Variants in GLIS1 observed in about 807,000 individuals in gnomAD.
The protein encoded by GLIS1 is zinc finger protein GLIS1.
A neutral mutation model predicts 63.8 loss-of-function variants in GLIS1; 24 were observed. The ratio of observed to expected loss-of-function variants is 0.38; its 90% confidence interval spans 0.27 to 0.53. GLIS1 has a LOEUF of 0.53. Ranked by LOEUF, GLIS1 falls within the 20% of genes least tolerant of loss-of-function variation. The probability of loss-of-function intolerance (pLI) is 0.85; values close to 1 mark genes in which losing one functional copy is unlikely to be tolerated. For missense variants in GLIS1, 1,036 were observed against 1,074.1 expected (o/e 0.96, Z 0.50); for synonymous variants, 450 against 482.5 (o/e 0.93, Z 0.88).
chr1:53,708,950 A>C (rs1646609636), intron 2 of GLIS1, among the ~76,000 whole-genome samples: 1 of 152,032 alleles, frequency 6.6e-6, no homozygotes, highest in South Asian at 2.1e-4. Flanking sequence ...TTACTTGTTT[A>C]CTGGCTCCTC....
chr1:53,594,136 T>G lies in GLIS1; in HGVS notation c.1292A>C (p.His431Pro), dbSNP rs1413435194. 6.2e-7 allele frequency: 1 copy of G among 1,612,504 alleles called. No individual in the cohort carries two copies. The highest frequency in any genetic ancestry group is 8.5e-7 in the Non-Finnish European group (1 of 1,178,952). ...GCACTTGTTGGGCTTCTCGCCCGAG[T>G]GCACTCGCATGTGGATGAGCAGCTT... Reference protein sequence around the residue: ...RYKLLIHMRVHSGEKPNKCMF... With the variant: ...RYKLLIHMRVPSGEKPNKCMF... The change falls in exon 4 of 11, where the codon CAC becomes CCC. Residue 431 changes from histidine (H) to proline (P), a missense_variant. Physicochemically the swap from His to Pro is moderately conservative, Grantham distance 77. Coordinates refer to ENST00000628545, the MANE Select transcript of GLIS1 (RefSeq NM_001367484.1).
At chr1:53,681,909 G>A (rs754395258) in intron 2 of GLIS1, among the ~76,000 whole-genome samples, 1 of 137,690 alleles carries the variant, frequency 7.3e-6, no homozygotes, top group Non-Finnish European at 1.5e-5. Context: ...TCCTGCTCTC[G>A]GGGGCCTTCT....
intron 2 of GLIS1, among the ~76,000 whole-genome samples, chr1:53,644,677 C>T (rs916871439): frequency 6.6e-6 from 1 of 152,012 alleles, no homozygotes; most frequent in Admixed American, 6.6e-5. Context: ...GACCAGGGCC[C>T]GGAGGAGGCA....
chr1:53,534,692 C>A (rs1318105133), intron 4 of GLIS1, among the ~76,000 whole-genome samples: 1 of 150,172 alleles, frequency 6.7e-6, no homozygotes, highest in Admixed American at 6.7e-5. Flanking sequence ...CTACTGTGCA[C>A]CCCCCATCCT....
chr1:53,579,153 A>G (rs1261331820), intron 4 of GLIS1, among the ~76,000 whole-genome samples: 1 of 152,266 alleles, frequency 6.6e-6, no homozygotes, highest in African/African-American at 2.4e-5. Flanking sequence ...TATACTTTTA[A>G]ATGTTTCTCA....
chr1:53,681,912 G>A (rs554276834), intron 2 of GLIS1, among the ~76,000 whole-genome samples: 8 of 152,018 alleles, frequency 5.3e-5, no homozygotes, highest in Admixed American at 3.3e-4. Flanking sequence ...TGCTCTCGGG[G>A]GCCTTCTTTG....
intron 4 of GLIS1, among the ~76,000 whole-genome samples, chr1:53,561,244 C>T (rs780005303): frequency 3.3e-5 from 5 of 152,058 alleles, no homozygotes; most frequent in Non-Finnish European, 5.9e-5. Flanking sequence ...TTCAGGGAAG[C>T]CAAGCAGCAG....
chr1:53,711,631 C>T (rs1646647931), intron 2 of GLIS1, among the ~76,000 whole-genome samples: 2 of 152,172 alleles, frequency 1.3e-5, no homozygotes, highest in African/African-American at 2.4e-5. Context: ...CTCTCAGAGC[C>T]TTAGTCTCCT....
Position 53,594,852 on chromosome 1 carries a change from G to A in GLIS1, c.576C>T (p.Ala192=). 1 of 1,593,454 alleles carries A rather than the reference G, an allele frequency of 6.3e-7. No homozygotes were observed. The highest frequency in any genetic ancestry group is 8.5e-7 in the Non-Finnish European group (1 of 1,173,402). ...SLSAHCRGPL[A]TGLHPDLDLP... is the part of the protein sequence containing the mutation. ...GGTCCAGGTCTGGGTGCAGGCCAGT[G>A]GCCAGCGGGCCCCGACAGTGGGCAG... The change falls in exon 4 of 11, where the codon GCC becomes GCT. Residue 192 remains alanine, a synonymous_variant. Coordinates refer to ENST00000628545, the MANE Select transcript of GLIS1 (RefSeq NM_001367484.1).
chr1:53,657,838 A>G (rs1645983586), intron 2 of GLIS1, among the ~76,000 whole-genome samples: 1 of 152,172 alleles, frequency 6.6e-6, no homozygotes, highest in Admixed American at 6.5e-5. Context: ...TGGGTGATTG[A>G]AACCACTCAG....
At chr1:53,708,421 A>G (rs890453026) in intron 2 of GLIS1, among the ~76,000 whole-genome samples, 1 of 152,214 alleles carries the variant, frequency 6.6e-6, no homozygotes, top group Non-Finnish European at 1.5e-5. Flanking sequence ...GTATTAATAT[A>G]TTCAAGAATG....
intron 6 of GLIS1, among the ~76,000 whole-genome samples, chr1:53,520,990 G>A (rs559976931): frequency 5.9e-5 from 9 of 152,236 alleles, no homozygotes; most frequent in Non-Finnish European, 1.2e-4. Flanking sequence ...GATTCAACAT[G>A]CAAGGATTTA....
At chr1:53,523,921 G>A (rs1644437420) in intron 6 of GLIS1, among the ~76,000 whole-genome samples, 1 of 152,180 alleles carries the variant, frequency 6.6e-6, no homozygotes, top group Admixed American at 6.5e-5. Flanking sequence ...CGCTGATCCT[G>A]CACACACTGG....
chr1:53,606,804 C>T (rs1645374533), intron 2 of GLIS1, among the ~76,000 whole-genome samples: 1 of 152,266 alleles, frequency 6.6e-6, no homozygotes, highest in Non-Finnish European at 1.5e-5. Context: ...TCACGCCGGG[C>T]TTCTGCCGCC....
chr1:53,534,281 G>C (rs919916856), intron 4 of GLIS1, among the ~76,000 whole-genome samples: 9 of 152,014 alleles, frequency 5.9e-5, no homozygotes, highest in African/African-American at 2.2e-4. Flanking sequence ...TTACCTTCAG[G>C]TAATGGCACC....
At chr1:53,638,395 G>A (rs1372698999) in intron 2 of GLIS1, among the ~76,000 whole-genome samples, 4 of 108,136 alleles carry the variant, frequency 3.7e-5, no homozygotes, top group South Asian at 2.7e-4. Flanking sequence ...CAAGGGGCAG[G>A]CCTCCCCCAG....
intron 4 of GLIS1, among the ~76,000 whole-genome samples, chr1:53,551,809 G>A (rs1235838299): frequency 6.6e-6 from 1 of 151,990 alleles, no homozygotes; most frequent in Admixed American, 6.6e-5. Context: ...GCCTTCCCTG[G>A]ATGTACCCGG....
At chr1:53,520,357 G>A (rs941956746) in intron 7 of GLIS1, among the ~76,000 whole-genome samples, 3 of 152,238 alleles carry the variant, frequency 2.0e-5, no homozygotes, top group Non-Finnish European at 4.4e-5. Flanking sequence ...CATACACCTT[G>A]AAGGCCAGGC....
intron 2 of GLIS1, among the ~76,000 whole-genome samples, chr1:53,665,407 C>T (rs949606884): frequency 1.3e-5 from 2 of 152,036 alleles, no homozygotes; most frequent in Admixed American, 1.3e-4. Flanking sequence ...GTGTAAAGTA[C>T]GGAGGTGAGG....
Sources: gnomAD v4.1 joint callset for allele counts (sites outside exome capture counted in the v4.1 genomes callset) on GRCh38, gnomAD v4.1.1 for gene constraint, MANE v1.5 for transcripts, NCBI Gene and HGNC (gene_info 2026-07-23, HGNC 2026-07-21) for gene names.